The following PARG variants were observed in gnomAD, a reference collection of about 807,000 sequenced individuals.
PARG encodes the protein mitochondrial poly(ADP-ribose) glycohydrolase.
PARG carries 35 observed loss-of-function variants against 113.0 expected under a neutral mutation model. The ratio of observed to expected loss-of-function variants is 0.31; its 90% confidence interval spans 0.24 to 0.41. The LOEUF is 0.41. PARG is among the 10% of genes least tolerant of loss of function. PARG has a pLI of 1.00. For synonymous variants in PARG, 330 were observed against 409.9 expected (o/e 0.81, Z 2.36); for missense variants, 797 against 1,169.4 (o/e 0.68, Z 4.64).
intron 16 of PARG, among the ~76,000 whole-genome samples, chr10:49,828,435 C>A (rs1316925135): frequency 1.3e-5 from 2 of 152,172 alleles, no homozygotes; most frequent in Admixed American, 1.3e-4. Flanking sequence ...CGAAAGCTTT[C>A]ACATGAGTTC....
In PARG at chr10:49,898,999, T is replaced by C. The variant is rs61846926; in HGVS notation, c.1738-13704A>G. ...GACAAGATTTATGATTGATTCACCA[T>C]TCCTACAACAGTGGTGTTCATATGT... is the stretch of plus-strand genomic sequence containing the variant. On this transcript the variant is annotated intron_variant, in intron 7 of 17. Coordinates refer to ENST00000616448, the MANE Select transcript of PARG (RefSeq NM_003631.5). Among the ~76,000 whole-genome samples, 330 of 152,360 alleles carry C rather than the reference T, an allele frequency of 2.2e-3. 1 individual carries two copies. The highest frequency in any genetic ancestry group is 3.5e-3 in the Admixed American group (53 of 15,300).
At chr10:49,864,228 C>T (rs2132552448) in intron 11 of PARG, among the ~76,000 whole-genome samples, 1 of 152,226 alleles carries the variant, frequency 6.6e-6, no homozygotes, top group East Asian at 1.9e-4. Flanking sequence ...GCCATGATGC[C>T]AAAATGCTGT....
intron 6 of PARG, among the ~76,000 whole-genome samples, chr10:49,918,366 T>G (rs1837618626): frequency 6.6e-6 from 1 of 152,256 alleles, no homozygotes; most frequent in Non-Finnish European, 1.5e-5. Flanking sequence ...TAGTGTTTTA[T>G]AATTAGCATT....
chr10:49,902,748 T>C (rs1252517785), intron 7 of PARG, among the ~76,000 whole-genome samples: 3 of 152,104 alleles, frequency 2.0e-5, no homozygotes, highest in Non-Finnish European at 4.4e-5. Flanking sequence ...CTCAGCACTC[T>C]GGGAGGCCAA....
intron 8 of PARG, among the ~76,000 whole-genome samples, chr10:49,884,302 A>G (rs1483348911): frequency 2.6e-5 from 4 of 152,248 alleles, no homozygotes; most frequent in Non-Finnish European, 5.9e-5. Flanking sequence ...AAAATACAGG[A>G]TTCTTTATTT....
At chr10:49,911,585 CA>C (rs1554846282) in intron 7 of PARG, among the ~76,000 whole-genome samples, 1 of 152,236 alleles carries the variant, frequency 6.6e-6, no homozygotes, top group African/African-American at 2.4e-5. Flanking sequence ...GACTCAGTAG[CA>C]CCTAAATATA....
At chr10:49,905,540 A>G (rs1464133519) in intron 7 of PARG, among the ~76,000 whole-genome samples, 1 of 152,202 alleles carries the variant, frequency 6.6e-6, no homozygotes, top group African/African-American at 2.4e-5. Flanking sequence ...GAAGCTGTTT[A>G]TAAATAAGTT....
chr10:49,840,556 T>C (rs1207892751), intron 15 of PARG, among the ~76,000 whole-genome samples: 1 of 152,116 alleles, frequency 6.6e-6, no homozygotes, highest in Non-Finnish European at 1.5e-5. Flanking sequence ...CATTTTTAAA[T>C]AAATGACACC....
intron 13 of PARG, among the ~76,000 whole-genome samples, chr10:49,849,340 C>T (rs1220246005): frequency 6.6e-6 from 1 of 151,984 alleles, no homozygotes; most frequent in Non-Finnish European, 1.5e-5. Flanking sequence ...AGGACCCATA[C>T]TACCTGATTT....
rs1312687240 is a variant in PARG, at chr10:49,933,204, A to G, written c.1244T>C (p.Met415Thr). 1.9e-6 allele frequency: 3 copies of G among 1,584,894 alleles called. No individual in the cohort carries two copies. The highest frequency in any genetic ancestry group is 1.1e-5 in the South Asian group (1 of 87,246). Residue 415 changes from methionine to threonine, a missense_variant, in exon 3 of 18, where the codon ATG becomes ACG. Physicochemically the swap from Met to Thr is moderately conservative, Grantham distance 81 (BLOSUM62 -1). Coordinates refer to ENST00000616448, the MANE Select transcript of PARG (RefSeq NM_003631.5). Reference protein sequence around the residue: ...KKDSKITDHFMRLPKAEDRRK... With the variant: ...KKDSKITDHFTRLPKAEDRRK... ...TCTGTCCTCTGCTTTGGGCAGTCTC[A>G]TGAAATGATCTGTGATTTTAGAATC...
intron 1 of PARG, among the ~76,000 whole-genome samples, chr10:49,940,920 C>G (rs1839015397): frequency 6.6e-6 from 1 of 152,218 alleles, no homozygotes; most frequent in Non-Finnish European, 1.5e-5. Flanking sequence ...TTCTGGAGGA[C>G]TATTTTCGAT....
intron 7 of PARG, among the ~76,000 whole-genome samples, chr10:49,897,278 A>G (rs1212295389): frequency 6.6e-6 from 1 of 152,220 alleles, no homozygotes; most frequent in African/African-American, 2.4e-5. Flanking sequence ...TCAACAAATA[A>G]CAGCTAGTAT....
intron 15 of PARG, among the ~76,000 whole-genome samples, chr10:49,839,804 CA>C (rs1228496575): frequency 1.3e-5 from 2 of 152,182 alleles, no homozygotes; most frequent in Non-Finnish European, 2.9e-5. Context: ...GTGAAGCTTT[CA>C]GTTTGTATTC....
chr10:49,905,226 G>C (rs1326216796), intron 7 of PARG, among the ~76,000 whole-genome samples: 2 of 152,304 alleles, frequency 1.3e-5, no homozygotes, highest in African/African-American at 4.8e-5. Context: ...GAGGTATTAA[G>C]TAGGAGCAGA....
intron 7 of PARG, among the ~76,000 whole-genome samples, chr10:49,898,075 A>C (rs1387669170): frequency 1.3e-5 from 2 of 152,194 alleles, no homozygotes; most frequent in African/African-American, 4.8e-5. Context: ...ATATAAAAGA[A>C]ATACTGGCCA....
intron 4 of PARG, among the ~76,000 whole-genome samples, chr10:49,930,678 C>T (rs1374173064): frequency 6.6e-6 from 1 of 150,812 alleles, no homozygotes; most frequent in Non-Finnish European, 1.5e-5. Context: ...TCTTTTAGAG[C>T]TCAGCTCAAA....
At chr10:49,928,148 G>A (rs1276936501) in intron 4 of PARG, among the ~76,000 whole-genome samples, 23 of 151,974 alleles carry the variant, frequency 1.5e-4, no homozygotes, top group African/African-American at 5.3e-4. Flanking sequence ...GTATGCACCT[G>A]TAGTCCCAGC....
intron 7 of PARG, among the ~76,000 whole-genome samples, chr10:49,899,845 A>T (rs1276090321): frequency 6.6e-6 from 1 of 152,162 alleles, no homozygotes; most frequent in African/African-American, 2.4e-5. Context: ...TGAATTTTCA[A>T]AGTGTTTATG....
At chr10:49,900,093 A>G (rs1323210339) in intron 7 of PARG, among the ~76,000 whole-genome samples, 1 of 150,128 alleles carries the variant, frequency 6.7e-6, no homozygotes, top group African/African-American at 2.5e-5. Flanking sequence ...AAGGGGGAAA[A>G]GAGGAAAAGA....
Sources: gnomAD v4.1 joint callset for allele counts (sites outside exome capture counted in the v4.1 genomes callset) on GRCh38, gnomAD v4.1.1 for gene constraint, MANE v1.5 for transcripts, NCBI Gene and HGNC (gene_info 2026-07-23, HGNC 2026-07-21) for gene names.